Variants in ROBO2 observed in about 807,000 individuals in gnomAD.
ROBO2 encodes the protein roundabout homolog 2.
A neutral mutation model predicts 160.8 loss-of-function variants in ROBO2; 53 were observed. That is an observed-to-expected ratio of 0.33 (90% CI 0.26 to 0.41). The LOEUF (loss-of-function observed/expected upper bound fraction) is 0.41, where lower values mean the gene tolerates loss of function less well. Ranked by LOEUF, ROBO2 falls within the 10% of genes least tolerant of loss-of-function variation. ROBO2 has a pLI of 1.00. For missense variants in ROBO2, 1,577 were observed against 1,722.4 expected (o/e 0.92, Z 1.49); for synonymous variants, 664 against 611.7 (o/e 1.09, Z -1.26).
chr3:77,072,743 A>G (rs952534957), intron 1 of ROBO2, among the ~76,000 whole-genome samples: 1 of 152,212 alleles, frequency 6.6e-6, no homozygotes, highest in African/African-American at 2.4e-5. Context: ...TGCTCAACAT[A>G]TATTTGTGAA....
chr3:76,622,284 A>AAGAG (rs2089256459), intron 2 of ROBO2, among the ~76,000 whole-genome samples: 1 of 94,480 alleles, frequency 1.1e-5, no homozygotes, highest in African/African-American at 4.1e-5. Context: ...GAAAGAAAGA[A>AAGAG]AGAAAGAAAG....
rs139317779 is a variant in ROBO2 at position 77,197,865 on chromosome 3, A to G, written c.388+99525A>G. Among the ~76,000 whole-genome samples, 3 of 152,252 alleles carry G rather than the reference A, an allele frequency of 2.0e-5. No homozygotes were observed. In the East Asian group the frequency reaches 5.8e-4, roughly 29 times the overall value. ...AATGTGGAGAACCTTCCCCTTTTGT[A>G]TTCAAAGGGAGATGTAATTATGGAA... On this transcript the variant is annotated intron_variant, in intron 2 of 25. Transcript: ENST00000461745.
intron 2 of ROBO2, among the ~76,000 whole-genome samples, chr3:76,678,890 C>T (rs2092482039): frequency 6.6e-6 from 1 of 151,962 alleles, no homozygotes; most frequent in African/African-American, 2.4e-5. Flanking sequence ...TCATGAGAGC[C>T]CTTAAAATAT....
chr3:76,079,350 C>T (rs1379626749), intron 2 of ROBO2, among the ~76,000 whole-genome samples: 3 of 151,928 alleles, frequency 2.0e-5, no homozygotes, highest in Admixed American at 2.0e-4. Context: ...GATGAATATC[C>T]CAATAACCCT....
chr3:76,278,454 A>C (rs920022115), intron 2 of ROBO2, among the ~76,000 whole-genome samples: 1 of 152,036 alleles, frequency 6.6e-6, no homozygotes, highest in Non-Finnish European at 1.5e-5. Context: ...TTCTGAAACA[A>C]AATTTCAATA....
chr3:77,333,729 G>A (rs1196733774), intron 2 of ROBO2, among the ~76,000 whole-genome samples: 1 of 152,050 alleles, frequency 6.6e-6, no homozygotes, highest in Admixed American at 6.6e-5. Flanking sequence ...TACTTAATTG[G>A]TATAACTAAT....
At chr3:77,486,841 C>T (rs6785136) in intron 4 of ROBO2, among the ~76,000 whole-genome samples, 2,780 of 152,198 alleles carry the variant, frequency 0.018, 41 homozygotes, top group South Asian at 0.031. Context: ...CCACCATCCC[C>T]CACCACCATG....
chr3:77,382,214 A>C (rs1349540123), intron 2 of ROBO2, among the ~76,000 whole-genome samples: 1 of 152,216 alleles, frequency 6.6e-6, no homozygotes, highest in Non-Finnish European at 1.5e-5. Flanking sequence ...GGAAATGGAT[A>C]GAAAAATAAA....
upstream of ROBO2, among the ~76,000 whole-genome samples, chr3:77,035,196 A>G (rs1394845750): frequency 6.6e-6 from 1 of 151,866 alleles, no homozygotes; most frequent in Non-Finnish European, 1.5e-5. Flanking sequence ...AGGTTTTGCA[A>G]TTTACTAAGA....
chr3:76,602,537 C>A (rs67914003), intron 2 of ROBO2, among the ~76,000 whole-genome samples: 3 of 152,164 alleles, frequency 2.0e-5, no homozygotes, highest in Non-Finnish European at 4.4e-5. Context: ...TGGCAGCAGA[C>A]GAGAGAATGC....
intron 2 of ROBO2, among the ~76,000 whole-genome samples, chr3:76,512,529 A>G (rs1381275940): frequency 6.6e-6 from 1 of 151,980 alleles, no homozygotes; most frequent in Non-Finnish European, 1.5e-5. Context: ...TTAGCTGTGA[A>G]TAAGTATAAG....
At chr3:77,648,897 G>A (rs2095430520) in exon 26 of ROBO2, 1 of 152,176 alleles carries the variant, frequency 6.6e-6, no homozygotes, top group African/African-American at 2.4e-5. Context: ...CTGGGTGGGA[G>A]AGAATGTAAT....
At chr3:76,199,694 T>A (rs1198800288) in intron 2 of ROBO2, among the ~76,000 whole-genome samples, 1 of 152,148 alleles carries the variant, frequency 6.6e-6, no homozygotes, top group African/African-American at 2.4e-5. Flanking sequence ...ATCAACACTC[T>A]GTCAATAACT....
intron 2 of ROBO2, among the ~76,000 whole-genome samples, chr3:76,421,747 A>G (rs1326934038): frequency 6.6e-6 from 1 of 152,100 alleles, no homozygotes; most frequent in Non-Finnish European, 1.5e-5. Flanking sequence ...GAAGATGGCA[A>G]TTTGTCCATA....
chr3:76,814,356 C>CATA (rs2065480343), intron 2 of ROBO2, among the ~76,000 whole-genome samples: 1 of 152,062 alleles, frequency 6.6e-6, no homozygotes, highest in Non-Finnish European at 1.5e-5. Flanking sequence ...TACAACTATC[C>CATA]CTTTTCTCTT....
At position 76,624,796 on chromosome 3, in the gene ROBO2, C is replaced by CAAAAA. The variant is rs57920315; in HGVS notation, c.110-473184_110-473180dup. On this transcript the variant is annotated intron_variant, in intron 2 of 26. Coordinates refer to the ROBO2 transcript ENST00000487694. Reference sequence around the variant, plus strand: ...TGAGTGACAGAGTGAGACTCCGTCTCAAAAAAAAAAAAAAAAAAAAAAAAA... The same window carrying CAAAAA: ...TGAGTGACAGAGTGAGACTCCGTCTCAAAAAAAAAAAAAAAAAAAAAAAAAAAAAA... Among the ~76,000 whole-genome samples, 59 of 46,326 alleles carry CAAAAA rather than the reference C, an allele frequency of 1.3e-3. 13 individuals are homozygous for CAAAAA. The highest frequency in any genetic ancestry group is 1.5e-3 in the Non-Finnish European group (43 of 29,122). The allele number at this position is 46,326 out of a possible 152,430, so 30.4% of individuals were successfully genotyped here.
At chr3:76,715,227 G>T (rs1249462750) in intron 2 of ROBO2, among the ~76,000 whole-genome samples, 3 of 152,026 alleles carry the variant, frequency 2.0e-5, no homozygotes, top group African/African-American at 7.2e-5. Flanking sequence ...CAAACAACTT[G>T]CTCAAATTCT....
chr3:77,015,214 A>G (rs981336154), intron 2 of ROBO2, among the ~76,000 whole-genome samples: 2 of 152,192 alleles, frequency 1.3e-5, no homozygotes, highest in Non-Finnish European at 2.9e-5. Flanking sequence ...AGAGTTAGCT[A>G]ATGTTTTACT....
At chr3:77,439,467 A>G (rs1008762361) in intron 2 of ROBO2, among the ~76,000 whole-genome samples, 15 of 152,146 alleles carry the variant, frequency 9.9e-5, no homozygotes, top group Admixed American at 9.8e-4. Flanking sequence ...ATTAGAAATT[A>G]TGATATACAA....
Sources: allele counts gnomAD v4.1 joint callset (sites outside exome capture counted in the v4.1 genomes callset), GRCh38; gene constraint gnomAD v4.1.1; transcripts MANE v1.5; gene names NCBI Gene and HGNC (gene_info 2026-07-23, HGNC 2026-07-21).